SGO2: variants seen among roughly 807,000 people sequenced by gnomAD.
SGO2 encodes shugoshin 2.
A neutral mutation model predicts 99.5 loss-of-function variants in SGO2; 68 were observed. That is an observed-to-expected ratio of 0.68 (90% confidence interval 0.56 to 0.84). SGO2 has a LOEUF of 0.84. Ranked by LOEUF, SGO2 falls within the 40% of genes least tolerant of loss-of-function variation. The pLI is 0.00. For synonymous variants in SGO2, 457 were observed against 487.1 expected (o/e 0.94, Z 0.81); for missense variants, 1,350 against 1,436.7 (o/e 0.94, Z 0.97).
At chr2:200,554,154 G>A (rs1248611909) in intron 5 of SGO2, among the ~76,000 whole-genome samples, 1 of 152,182 alleles carries the variant, frequency 6.6e-6, no homozygotes. Flanking sequence ...AAATCAGGTA[G>A]AGAGAAACAA....
chr2:200,576,043 A>G (rs764154053), intron 8 of SGO2: 71 of 390,746 alleles, frequency 1.8e-4, no homozygotes, highest in South Asian at 1.3e-3. Context: ...ACACTTCGAT[A>G]TATCTCTCTC....
At position 200,572,949 on chromosome 2, in the gene SGO2, T is replaced by C. The variant is rs199513027; in HGVS notation, c.2603T>C (p.Leu868Pro). 2 of 1,596,104 alleles carry C rather than the reference T, an allele frequency of 1.3e-6. No homozygotes were observed. Among genetic ancestry groups the C allele is most frequent in the Middle Eastern group, 1.7e-4 (1 of 5,968 alleles). Residue 868 changes from leucine (L) to proline (P), a missense_variant, in exon 7 of 9, where the codon CTC becomes CCC. Transcript: ENST00000357799. The stretch of plus-strand genomic sequence containing the variant: ...AATGAATTTCAAACAGTTGATCTTC[T>C]CATCAAAGATAATGGAAATTTATGT... ...VTNEFQTVDL[L>P]IKDNGNLCDY...
chr2:200,541,622 A>G (rs1349010711), intron 4 of SGO2, among the ~76,000 whole-genome samples: 2 of 152,220 alleles, frequency 1.3e-5, no homozygotes, highest in African/African-American at 2.4e-5. Context: ...GCTACACCCA[A>G]CTGACTATCT....
Position 200,573,839 on chromosome 2 carries a change from T to C in SGO2, c.3493T>C (p.Ser1165Pro), listed in dbSNP as rs774301794. 3.1e-6 allele frequency: 5 copies of C among 1,613,144 alleles called. No individual in the cohort carries two copies. In the East Asian group the frequency reaches 1.1e-4, roughly 36 times the overall value. ...TGAAGGTTTAGTACCTTTGAGCGTT[T>C]CTTCTGGTAAAAATGTGATAATAAA... is the stretch of plus-strand genomic sequence containing the variant. ...VREGLVPLSV[S>P]SGKNVIIKEN... Residue 1165 changes from serine (S) to proline (P), a missense_variant, in exon 7 of 9, where the codon TCT (serine) becomes CCT (proline). Ser to Pro is a moderately conservative substitution (Grantham distance 74, BLOSUM62 -1). Coordinates refer to ENST00000357799, the MANE Select transcript of SGO2 (RefSeq NM_152524.6).
At chr2:200,567,162 C>G (rs1393565041) in intron 5 of SGO2, among the ~76,000 whole-genome samples, 1 of 152,208 alleles carries the variant, frequency 6.6e-6, no homozygotes, top group Non-Finnish European at 1.5e-5. Context: ...CTGCATCGTT[C>G]ATGCTGGGTG....
chr2:200,546,394 G>A (rs2032219546), intron 5 of SGO2, among the ~76,000 whole-genome samples: 1 of 133,324 alleles, frequency 7.5e-6, no homozygotes, highest in Non-Finnish European at 1.6e-5. Flanking sequence ...TTGCTAGGCA[G>A]ATATATTCAA....
intron 5 of SGO2, among the ~76,000 whole-genome samples, chr2:200,545,342 C>A (rs2032164146): frequency 6.6e-6 from 1 of 152,122 alleles, no homozygotes; most frequent in Non-Finnish European, 1.5e-5. Flanking sequence ...TGGCTTGCCC[C>A]TTTGCTCTCT....
In SGO2 at chr2:200,570,550, TATAC is replaced by T. The variant is rs1397549257; in HGVS notation, c.704-498_704-495del. Among the ~76,000 whole-genome samples the T allele has an allele frequency of 5.7e-5, 8 of 140,730 alleles. No individual in the cohort carries two copies. The highest frequency in any genetic ancestry group is 2.1e-4 in the East Asian group (1 of 4,670). The allele number at this position is 140,730 out of a possible 152,430, so 92.3% of individuals were successfully genotyped here. A position where few individuals can be genotyped will look rare whatever the true frequency, so the allele number is the denominator to read the frequency against. ...TATATAATATATACACACACACATATATACACACATATATATGGTATACATATAA... is the reference window on the plus strand; with the variant it reads ...TATATAATATATACACACACACATATACACATATATATGGTATACATATAA... On this transcript the variant is annotated intron_variant, in intron 6 of 8. Coordinates refer to ENST00000357799, the MANE Select transcript of SGO2 (RefSeq NM_152524.6). The surrounding 1 kb of genome is among the most constrained non-coding windows in gnomAD (Gnocchi z 4.4).
At chr2:200,546,421 C>G (rs929714756) in intron 5 of SGO2, among the ~76,000 whole-genome samples, 4 of 143,462 alleles carry the variant, frequency 2.8e-5, no homozygotes, top group Admixed American at 2.8e-4. Context: ...CCAAAACAGG[C>G]TGGACAAAGA....
chr2:200,555,683 A>G lies in SGO2; in HGVS notation c.473+13019A>G, dbSNP rs376909894. Among the ~76,000 whole-genome samples, 232 of 152,222 alleles carry G rather than the reference A, an allele frequency of 1.5e-3. 1 individual carries two copies. The highest frequency in any genetic ancestry group is 5.2e-3 in the African/African-American group (218 of 41,534). ...AACATGCAAACAGCCGAGTATCCCC[A>G]CCATAACTGCCATTAGCTATCCCCA... is the stretch of plus-strand genomic sequence containing the variant. On this transcript the variant is annotated intron_variant, in intron 5 of 8. Transcript: ENST00000357799.
At chr2:200,553,991 G>C (rs1205014055) in intron 5 of SGO2, among the ~76,000 whole-genome samples, 1 of 152,182 alleles carries the variant, frequency 6.6e-6, no homozygotes, top group African/African-American at 2.4e-5. Context: ...TTGCTTAAAG[G>C]AAAGCACACC....
chr2:200,544,299 T>G (rs1280824694), intron 5 of SGO2, among the ~76,000 whole-genome samples: 1 of 152,226 alleles, frequency 6.6e-6, no homozygotes, highest in African/African-American at 2.4e-5. Context: ...GTTTGCTTTT[T>G]GAGACAGAGT....
chr2:200,570,771 G>T lies in SGO2; in HGVS notation c.704-279G>T, dbSNP rs960655467. On this transcript the variant is annotated intron_variant, in intron 6 of 8. Transcript: ENST00000357799. The surrounding 1 kb of genome is among the most constrained non-coding windows in gnomAD (Gnocchi z 4.4). ...TTTCACTCTAGAAATGTATGCTAAT[G>T]GTTCTACTGTTGGCTGTACTCCACT... 2.0e-5 allele frequency among the ~76,000 whole-genome samples: 3 copies of T among 151,766 alleles called. No homozygotes were observed. Among genetic ancestry groups the T allele is most frequent in the Non-Finnish European group, 4.4e-5 (3 of 67,866 alleles).
chr2:200,573,924 A>G lies in SGO2; in HGVS notation c.3578A>G (p.Lys1193Arg). ...AFQVSDDEHE[K>R]MNKMKFKVNR... ...CAAGTAAGTGATGATGAGCATGAGA[A>G]GATGAACAAGATGAAATTTAAAGTC... is the stretch of plus-strand genomic sequence containing the variant. The change falls in exon 7 of 9, where the codon AAG becomes AGG. Residue 1193 changes from lysine (K) to arginine (R), a missense_variant. Transcript: ENST00000357799. 1.2e-6 allele frequency: 2 copies of G among 1,603,870 alleles called. No homozygotes were observed. Among genetic ancestry groups the G allele is most frequent in the South Asian group, 2.3e-5 (2 of 88,552 alleles).
chr2:200,571,401 A>G lies in SGO2; in HGVS notation c.1055A>G (p.Asp352Gly), dbSNP rs142113225. ...TGCATGAATCAAATTGAGGATAATG[A>G]TGACTTTCAATTGCAGAAAACTGTG... ...AECMNQIEDN[D>G]DFQLQKTVYD... Residue 352 changes from aspartate to glycine, a missense_variant, in exon 7 of 9, where the codon GAT becomes GGT. Coordinates refer to ENST00000357799, the MANE Select transcript of SGO2 (RefSeq NM_152524.6). 941 of 1,609,756 alleles carry G rather than the reference A, an allele frequency of 5.8e-4. 3 individuals carry two copies. The highest frequency in any genetic ancestry group is 1.6e-3 in the East Asian group (70 of 44,760).
At chr2:200,579,336 G>T (rs2033763873) in intron 8 of SGO2, among the ~76,000 whole-genome samples, 1 of 152,112 alleles carries the variant, frequency 6.6e-6, no homozygotes, top group South Asian at 2.1e-4. Context: ...TCATTACCCT[G>T]TTTGTATGCC....
At chr2:200,555,056 C>T (rs1029164573) in intron 5 of SGO2, among the ~76,000 whole-genome samples, 1 of 152,172 alleles carries the variant, frequency 6.6e-6, no homozygotes, top group African/African-American at 2.4e-5. Flanking sequence ...ACCTCCACAA[C>T]TTGCTCGAAT....
Position 200,572,260 on chromosome 2 carries a change from G to T in SGO2, c.1914G>T (p.Val638=), listed in dbSNP as rs1436014322. Residue 638 remains valine (V), a synonymous_variant, in exon 7 of 9, where the codon GTG becomes GTT. Coordinates refer to ENST00000357799, the MANE Select transcript of SGO2 (RefSeq NM_152524.6). ...HMYEDNDKDV[V]HGLKKGNFFF... ...ATGAGGATAATGATAAAGATGTGGT[G>T]CATGGCCTAAAAAAAGGTAATTTTT... The T allele has an allele frequency of 3.1e-6, 5 of 1,611,440 alleles. No homozygotes were observed. Among genetic ancestry groups the T allele is most frequent in the Non-Finnish European group, 4.2e-6 (5 of 1,179,272 alleles).
chr2:200,536,497 A>G (rs922452596), intron 4 of SGO2, among the ~76,000 whole-genome samples: 1 of 152,112 alleles, frequency 6.6e-6, no homozygotes, highest in Non-Finnish European at 1.5e-5. Context: ...GATGGACACA[A>G]TTGAAAAACT....
Sources: gnomAD v4.1 joint callset for allele counts (sites outside exome capture counted in the v4.1 genomes callset) on GRCh38, gnomAD v4.1.1 for gene constraint, Gnocchi (gnomAD v3.1) non-coding constraint, MANE v1.5 for transcripts, NCBI Gene and HGNC (gene_info 2026-07-23, HGNC 2026-07-21) for gene names.